The following ADAP2 variants were observed in gnomAD, a reference collection of about 807,000 sequenced individuals.
The protein encoded by ADAP2 is arf-GAP with dual PH domain-containing protein 2.
ADAP2 carries 42 observed loss-of-function variants against 54.9 expected under a neutral mutation model. The ratio of observed to expected loss-of-function variants is 0.77; its 90% CI spans 0.60 to 0.99. The LOEUF (loss-of-function observed/expected upper bound fraction) is 0.99, where lower values mean the gene tolerates loss of function less well. Among genes scored for constraint, ADAP2 ranks in the 50% least tolerant of loss-of-function variants. The probability of loss-of-function intolerance (pLI) is 0.00; values close to 1 mark genes in which losing one functional copy is unlikely to be tolerated. For synonymous variants in ADAP2, 177 were observed against 180.1 expected (o/e 0.98, Z 0.14); for missense variants, 429 against 480.4 (o/e 0.89, Z 1.00).
In ADAP2 at chr17:30,923,122, G is replaced by A. The variant is rs770668184; in HGVS notation, c.225+52G>A. On this transcript the variant is annotated intron_variant, in intron 2 of 10. Transcript: ENST00000330889. ...ATGGAACTGCGGGACTGGAGTAGAG[G>A]CAGCGGGCAGGGGGCTCCCATTCTA... The A allele has an allele frequency of 5.0e-6, 8 of 1,603,794 alleles. No homozygotes were observed. In the South Asian group the frequency reaches 7.7e-5, roughly 15 times the overall value.
At chr17:30,924,811 A>T (rs541582946) in intron 2 of ADAP2, among the ~76,000 whole-genome samples, 125 of 152,272 alleles carry the variant, frequency 8.2e-4, no homozygotes, top group African/African-American at 2.9e-3. Flanking sequence ...ACCAGCACAT[A>T]AACCTGAAGG....
chr17:30,924,859 C>CTTTTTTTTTTTTTTT (rs199816533), intron 2 of ADAP2, among the ~76,000 whole-genome samples: 3 of 149,230 alleles, frequency 2.0e-5, no homozygotes, highest in African/African-American at 7.6e-5. Context: ...GTTATATTTT[C>CTTTTTTTTTTTTTTT]TTTTTTGTTT....
chr17:30,947,984 C>T (rs1912800393), intron 6 of ADAP2, among the ~76,000 whole-genome samples: 2 of 152,016 alleles, frequency 1.3e-5, no homozygotes, highest in South Asian at 2.1e-4. Context: ...TGAAGATAGG[C>T]GGGGTAGTTC....
At chr17:30,945,261 G>A (rs1912581887) in intron 6 of ADAP2, among the ~76,000 whole-genome samples, 2 of 152,334 alleles carry the variant, frequency 1.3e-5, no homozygotes, top group Middle Eastern at 3.4e-3. Context: ...AACCTGGCAA[G>A]TACCATGGCT....
In ADAP2 at chr17:30,944,937, A is replaced by G. The variant is rs1404556855; in HGVS notation, c.541A>G (p.Lys181Glu). The G allele has an allele frequency of 1.9e-6, 3 of 1,614,102 alleles. No homozygotes were observed. The highest frequency in any genetic ancestry group is 2.2e-5 in the East Asian group (1 of 44,872). Reference protein sequence around the residue: ...GKSPKAVISIKDLNATFQTEK... With the variant: ...GKSPKAVISIEDLNATFQTEK... ...AAGCCCCAAAGCTGTCATCAGCATT[A>G]AGGACTTGAATGCCACCTTCCAGAC... The change falls in exon 6 of 11, where the codon AAG (lysine) becomes GAG (glutamate). Residue 181 changes from lysine (K) to glutamate (E), a missense_variant. Lys to Glu is a moderately conservative substitution (Grantham distance 56). Transcript: ENST00000330889.
chr17:30,921,988 A>AGCCCC lies in ADAP2; in HGVS notation c.-24_-20dup. The stretch of plus-strand genomic sequence containing the variant: ...GGCGGAGCGCACGGGCCATGGGCTG[A>AGCCCC]GCCCCGCTGAGCCCGCCGGGCCGGC... On this transcript the variant is annotated 5_prime_UTR_variant, in exon 1 of 11. Transcript: ENST00000330889. 1.6e-6 allele frequency: 2 copies of AGCCCC among 1,257,118 alleles called. No individual in the cohort carries two copies. The allele number at this position is 1,257,118 out of a possible 1,614,324, so 77.9% of individuals were successfully genotyped here.
At chr17:30,924,101 G>T (rs765149240) in intron 2 of ADAP2, among the ~76,000 whole-genome samples, 2 of 152,136 alleles carry the variant, frequency 1.3e-5, no homozygotes, top group Non-Finnish European at 2.9e-5. Flanking sequence ...GTACGGGTGT[G>T]GTGGCTCACA....
In ADAP2 at chr17:30,948,410, A is replaced by C. The variant is rs868103781; in HGVS notation, c.658-877A>C. Among the ~76,000 whole-genome samples, 894 of 148,230 alleles carry C rather than the reference A, an allele frequency of 6.0e-3. 10 individuals are homozygous for C. Among genetic ancestry groups the C allele is most frequent in the African/African-American group, 0.018 (740 of 40,618 alleles). ...AAACCCTGTCACTACTAAAAATACA[A>C]AAAAAAAAAAAATTAGCCGTGTGGT... On this transcript the variant is annotated intron_variant, in intron 6 of 10. Transcript: ENST00000330889.
intron 6 of ADAP2, among the ~76,000 whole-genome samples, chr17:30,945,505 A>T (rs1330509523): frequency 6.6e-6 from 1 of 152,154 alleles, no homozygotes; most frequent in Non-Finnish European, 1.5e-5. Context: ...TAATCCCAGA[A>T]CTTTGGGAAG....
intron 9 of ADAP2, 95 bp downstream of exon 9, chr17:30,954,650 T>A: frequency 9.4e-7 from 1 of 1,066,320 alleles, no homozygotes; most frequent in Non-Finnish European, 1.4e-6. Context: ...TAAACACATC[T>A]CCCAGAGCCC....
In ADAP2 at chr17:30,958,640, T is replaced by TC. The variant is rs1905235669; in HGVS notation, c.*774dup. ...TGGGTGTGATGGCTCATGCCCATAA[T>TC]CCCAGCCCTTTGGGAAGCTGAGGCA... On this transcript the variant is annotated 3_prime_UTR_variant, in exon 11 of 11. Coordinates refer to ENST00000330889, the MANE Select transcript of ADAP2 (RefSeq NM_018404.3). 1 of 152,176 alleles carries TC rather than the reference T, an allele frequency of 6.6e-6. No individual in the cohort carries two copies. Among genetic ancestry groups the TC allele is most frequent in the South Asian group, 2.1e-4 (1 of 4,830 alleles). 9.4% of individuals were successfully genotyped at this position (152,176 alleles called of 1,614,324 possible).
rs148706395 is a variant in ADAP2 at position 30,928,330 on chromosome 17, T to C, written c.317+1412T>C. Among the ~76,000 whole-genome samples the C allele has an allele frequency of 7.6e-3, 1,149 of 150,834 alleles. 19 individuals are homozygous for C. Among genetic ancestry groups the C allele is most frequent in the African/African-American group, 0.026 (1,077 of 40,996 alleles). On this transcript the variant is annotated intron_variant, in intron 3 of 10. Coordinates refer to ENST00000330889, the MANE Select transcript of ADAP2 (RefSeq NM_018404.3). The stretch of plus-strand genomic sequence containing the variant: ...GGCCAACATAGTGAAACCCCGTCTC[T>C]ACTAAAAATTAAAAAATTAGCTGGG...
chr17:30,939,520 C>T (rs1912108461), intron 5 of ADAP2, among the ~76,000 whole-genome samples: 1 of 151,412 alleles, frequency 6.6e-6, no homozygotes, highest in East Asian at 1.9e-4. Context: ...ACCTGAAATC[C>T]CAGCACTTTG....
In ADAP2 at chr17:30,922,000, C is replaced by A; in HGVS notation, c.-15C>A. 1 of 1,267,114 alleles carries A rather than the reference C, an allele frequency of 7.9e-7. No homozygotes were observed. Among genetic ancestry groups the A allele is most frequent in the Non-Finnish European group, 9.9e-7 (1 of 1,009,938 alleles). The allele number at this position is 1,267,114 out of a possible 1,614,324, so 78.5% of individuals were successfully genotyped here. On this transcript the variant is annotated 5_prime_UTR_variant, in exon 1 of 11. Transcript: ENST00000330889. ...GGGCCATGGGCTGAGCCCCGCTGAG[C>A]CCGCCGGGCCGGCCATGGGCGATCG...
Position 30,934,227 on chromosome 17 carries a change from C to T in ADAP2, c.440C>T (p.Ser147Leu). ...GFLWKRGRDN[S>L]QFLRRKFVLL... ...CTGTGGAAGCGAGGAAGGGACAACT[C>T]ACAGTTTCTGAGAAGGAAGTTTGTA... Residue 147 changes from serine to leucine, a missense_variant, in exon 5 of 11, where the codon TCA becomes TTA. Ser to Leu is a moderately radical substitution (Grantham distance 145). Coordinates refer to ENST00000330889, the MANE Select transcript of ADAP2 (RefSeq NM_018404.3). 5 of 1,614,110 alleles carry T rather than the reference C, an allele frequency of 3.1e-6. No individual in the cohort carries two copies. Among genetic ancestry groups the T allele is most frequent in the Non-Finnish European group, 4.2e-6 (5 of 1,180,002 alleles).
chr17:30,923,268 T>C (rs1008126020), intron 2 of ADAP2, among the ~76,000 whole-genome samples, 198 bp downstream of exon 2: 2 of 150,488 alleles, frequency 1.3e-5, no homozygotes, highest in African/African-American at 4.9e-5. Flanking sequence ...TGCTTACTTT[T>C]TTTTTTTTTT....
intron 5 of ADAP2, among the ~76,000 whole-genome samples, chr17:30,935,668 C>T (rs141089385): frequency 1.2e-3 from 178 of 152,276 alleles, no homozygotes; most frequent in African/African-American, 3.9e-3. Context: ...GCCCCAGTCT[C>T]GAAAATCAGA....
chr17:30,950,389 G>A (rs1567725266), intron 7 of ADAP2, among the ~76,000 whole-genome samples: 3 of 152,284 alleles, frequency 2.0e-5, no homozygotes. Flanking sequence ...GGCTCTCAGG[G>A]ATGCTCTATT....
chr17:30,943,242 G>A (rs971597112), intron 5 of ADAP2, among the ~76,000 whole-genome samples: 18 of 152,050 alleles, frequency 1.2e-4, no homozygotes, highest in African/African-American at 4.3e-4. Context: ...GCGTATCCCT[G>A]TAATCCCAGC....
Sources: allele counts gnomAD v4.1 joint callset (sites outside exome capture counted in the v4.1 genomes callset), GRCh38; gene constraint gnomAD v4.1.1; transcripts MANE v1.5; gene names NCBI Gene and HGNC (gene_info 2026-07-23, HGNC 2026-07-21).